Variants in UGT1A5 observed in about 807,000 individuals in gnomAD.
UGT1A5 encodes UDP glucuronosyltransferase family 1 member A5, also known as UDP-glucuronosyltransferase 1A5.
UGT1A5 carries 29 observed loss-of-function variants against 40.3 expected under a neutral mutation model. That is an observed-to-expected ratio of 0.72 (90% CI 0.54 to 0.98). UGT1A5 has a LOEUF of 0.98. UGT1A5 is among the 50% of genes least tolerant of loss of function. The probability of loss-of-function intolerance (pLI) is 0.00; values close to 1 mark genes in which losing one functional copy is unlikely to be tolerated. For missense variants in UGT1A5, 678 were observed against 677.9 expected (o/e 1.00, Z 0.00); for synonymous variants, 257 against 262.5 (o/e 0.98, Z 0.20).
chr2:233,712,949 A>G lies in UGT1A5; in HGVS notation c.-43A>G, dbSNP rs374838145. The G allele has an allele frequency of 1.2e-6, 2 of 1,612,750 alleles. No individual in the cohort carries two copies. The highest frequency in any genetic ancestry group is 1.7e-6 in the Non-Finnish European group (2 of 1,180,024). ...GACGAAGGAAACAATTCTAGGAGGC[A>G]CAACGTGGGGTGGACAGTCAGCTGT... On this transcript the variant is annotated 5_prime_UTR_variant, in exon 1 of 5. Transcript: ENST00000373414.
chr2:233,724,310 G>C (rs1212736933), intron 1 of UGT1A5, among the ~76,000 whole-genome samples: 1 of 141,058 alleles, frequency 7.1e-6, no homozygotes, highest in African/African-American at 2.6e-5. Context: ...CCTCCCTCCC[G>C]GACGGGGCGG....
rs1032463751 is a variant in UGT1A5, at chr2:233,713,755, G to A, written c.764G>A (p.Trp255Ter). 6.2e-7 allele frequency: 1 copy of A among 1,613,844 alleles called. No homozygotes were observed. The highest frequency in any genetic ancestry group is 8.5e-7 in the Non-Finnish European group (1 of 1,179,930). The change falls in exon 1 of 5, where the codon TGG becomes TAG. Residue 255 changes from tryptophan to a stop codon, truncating the protein, a stop_gained. Transcript: ENST00000373414. LOFTEE classifies it high-confidence loss of function. ...VVDLVSHASVWLFRGDFVMDY... is the reference protein window; with the variant it reads ...VVDLVSHASV ...GATCTTGTCAGCCATGCATCTGTGT[G>A]GCTGTTCCGAGGGGACTTTGTGATG...
intron 1 of UGT1A5, among the ~76,000 whole-genome samples, chr2:233,749,576 ACT>A (rs1258073288): frequency 2.6e-5 from 4 of 151,762 alleles, no homozygotes; most frequent in African/African-American, 9.7e-5. Context: ...GAGGCCACTG[ACT>A]CTGTCTCAAC....
At chr2:233,727,897 G>A (rs1306526178) in intron 1 of UGT1A5, among the ~76,000 whole-genome samples, 1 of 152,194 alleles carries the variant, frequency 6.6e-6, no homozygotes, top group Non-Finnish European at 1.5e-5. Flanking sequence ...GACACGGCCA[G>A]GCAAGAAGAC....
chr2:233,767,119 A>C lies in UGT1A5; in HGVS notation c.953A>C (p.Lys318Thr). 6.2e-7 allele frequency: 1 copy of C among 1,614,168 alleles called. No individual in the cohort carries two copies. Among genetic ancestry groups the C allele is most frequent in the Non-Finnish European group, 8.5e-7 (1 of 1,180,014 alleles). The change falls in exon 2 of 5, where the codon AAG (lysine) becomes ACG (threonine). Residue 318 changes from lysine (K) to threonine (T), a missense_variant. Physicochemically the swap from Lys to Thr is moderately conservative, Grantham distance 78. Coordinates refer to ENST00000373414, the MANE Select transcript of UGT1A5 (RefSeq NM_019078.2). ...TCAATGGTCTCAGAAATTCCAGAGA[A>C]GAAAGCTATGGCAATTGCTGATGCT... ...LGSMVSEIPE[K>T]KAMAIADALG...
At chr2:233,748,132 A>G (rs1234093790) in intron 1 of UGT1A5, 8 of 1,610,034 alleles carry the variant, frequency 5.0e-6, no homozygotes, top group Non-Finnish European at 6.8e-6. Context: ...CAGTTTTTAA[A>G]AATTGTATTT....
chr2:233,750,856 G>C (rs28899469), intron 1 of UGT1A5: 5,157 of 151,970 alleles, frequency 0.034, 172 homozygotes, highest in African/African-American at 0.052. Flanking sequence ...TGGATGTCCA[G>C]GCAGAAGTTT....
At chr2:233,724,136 CG>C in intron 1 of UGT1A5, among the ~76,000 whole-genome samples, 1 of 111,742 alleles carries the variant, frequency 8.9e-6, no homozygotes, top group African/African-American at 4.3e-5. Flanking sequence ...ACCTCCCGGA[CG>C]GGGCGGCTGG....
At chr2:233,760,284 C>G (rs752018052) in intron 1 of UGT1A5, 1 of 1,612,882 alleles carries the variant, frequency 6.2e-7, no homozygotes, top group Non-Finnish European at 8.5e-7. Context: ...GGAGCAAAGG[C>G]GCCATGGCTG....
intron 1 of UGT1A5, chr2:233,719,514 G>A: frequency 6.2e-7 from 1 of 1,613,922 alleles, no homozygotes; most frequent in Non-Finnish European, 8.5e-7. Context: ...TGCCCCTTAT[G>A]CAAGTCTTGC....
At chr2:233,715,712 C>T (rs1385583462) in intron 1 of UGT1A5, among the ~76,000 whole-genome samples, 1 of 152,152 alleles carries the variant, frequency 6.6e-6, no homozygotes, top group Admixed American at 6.5e-5. Context: ...GTGGAGGCTG[C>T]AGTGTGCCAT....
In UGT1A5 at chr2:233,772,247, T is replaced by C. The variant is rs192933567; in HGVS notation, c.1308-15T>C. The C allele has an allele frequency of 3.1e-6, 5 of 1,614,090 alleles. No individual in the cohort carries two copies. In the African/African-American group the frequency reaches 5.3e-5, roughly 17 times the overall value. On this transcript the variant is annotated splice_polypyrimidine_tract_variant and intron_variant, in intron 4 of 4. Transcript: ENST00000373414. ...ACAGGTGTTCCAGGCATAACGAAAC[T>C]GTCTTTGTGTTTAGTTACAAGGAGA...
Position 233,767,097 on chromosome 2 carries a change from A to G in UGT1A5, c.931A>G (p.Met311Val), listed in dbSNP as rs1699317728. ...HGIVVFSLGS[M>V]VSEIPEKKAM... The stretch of plus-strand genomic sequence containing the variant: ...AATTGTGGTTTTCTCTTTGGGATCA[A>G]TGGTCTCAGAAATTCCAGAGAAGAA... The change falls in exon 2 of 5, where the codon ATG becomes GTG. Residue 311 changes from methionine (M) to valine (V), a missense_variant. Transcript: ENST00000373414. 1 of 1,614,142 alleles carries G rather than the reference A, an allele frequency of 6.2e-7. No individual in the cohort carries two copies. Among genetic ancestry groups the G allele is most frequent in the Non-Finnish European group, 8.5e-7 (1 of 1,180,030 alleles).
chr2:233,747,446 A>G (rs1037579291), intron 1 of UGT1A5: 7 of 1,608,790 alleles, frequency 4.4e-6, no homozygotes, highest in Admixed American at 3.3e-5. Flanking sequence ...TCACCCTGAC[A>G]ACCTATGCCA....
intron 1 of UGT1A5, chr2:233,719,088 G>A (rs2076724106): frequency 6.2e-7 from 1 of 1,614,250 alleles, no homozygotes; most frequent in South Asian, 1.1e-5. Flanking sequence ...GAAGGAATTT[G>A]ATCGCGTTAC....
At chr2:233,724,531 C>T (rs557040072) in intron 1 of UGT1A5, among the ~76,000 whole-genome samples, 5 of 121,606 alleles carry the variant, frequency 4.1e-5, no homozygotes, top group Admixed American at 8.0e-5. Context: ...GGGGTCTCGC[C>T]GGGCAGAGGC....
In UGT1A5 at chr2:233,772,254, G is replaced by A. The variant is rs1700495336; in HGVS notation, c.1308-8G>A. 1 of 1,614,242 alleles carries A rather than the reference G, an allele frequency of 6.2e-7. No homozygotes were observed. The highest frequency in any genetic ancestry group is 8.5e-7 in the Non-Finnish European group (1 of 1,180,046). On this transcript the variant is annotated splice_polypyrimidine_tract_variant and splice_region_variant and intron_variant, in intron 4 of 4. Transcript: ENST00000373414. The stretch of plus-strand genomic sequence containing the variant: ...TTCCAGGCATAACGAAACTGTCTTT[G>A]TGTTTAGTTACAAGGAGAACATCAT...
chr2:233,747,375 G>A, intron 1 of UGT1A5: 1 of 1,604,748 alleles, frequency 6.2e-7, no homozygotes, highest in Non-Finnish European at 8.5e-7. Flanking sequence ...CCATGCCAGA[G>A]GCCACCAGGC....
At chr2:233,728,557 A>T (rs190814480) in intron 1 of UGT1A5, among the ~76,000 whole-genome samples, 41 of 152,308 alleles carry the variant, frequency 2.7e-4, no homozygotes, top group African/African-American at 9.6e-4. Context: ...TGATCCTTAC[A>T]AGAAATATCC....
Sources: allele counts gnomAD v4.1 joint callset (sites outside exome capture counted in the v4.1 genomes callset), GRCh38; gene constraint gnomAD v4.1.1; transcripts MANE v1.5; gene names NCBI Gene and HGNC (gene_info 2026-07-23, HGNC 2026-07-21).